Variants in OTUD7A observed in about 807,000 individuals in gnomAD.
The protein encoded by OTUD7A is OTU domain-containing protein 7A.
A neutral mutation model predicts 65.7 loss-of-function variants in OTUD7A; 12 were observed. That is an observed-to-expected ratio of 0.18 (90% CI 0.12 to 0.30). The LOEUF (loss-of-function observed/expected upper bound fraction) is 0.30, where lower values mean the gene tolerates loss of function less well. Ranked by LOEUF, OTUD7A falls within the 10% of genes least tolerant of loss-of-function variation. The pLI is 1.00. For synonymous variants in OTUD7A, 641 were observed against 586.3 expected (o/e 1.09, Z -1.35); for missense variants, 1,148 against 1,304.8 (o/e 0.88, Z 1.85).
At chr15:31,533,879 A>T (rs1328375939) in intron 5 of OTUD7A, among the ~76,000 whole-genome samples, 2 of 152,220 alleles carry the variant, frequency 1.3e-5, no homozygotes, top group Non-Finnish European at 2.9e-5. Context: ...TATTTAAAAC[A>T]ATTTTATTAT....
intron 1 of OTUD7A, among the ~76,000 whole-genome samples, chr15:31,724,552 T>G (rs974134271): frequency 6.6e-5 from 10 of 152,184 alleles, no homozygotes; most frequent in African/African-American, 2.4e-4. Flanking sequence ...CCTAAGGAGA[T>G]AGGAATGGGT....
Position 31,483,502 on chromosome 15 carries a change from A to T in OTUD7A, c.2594T>A (p.Leu865Gln). Residue 865 changes from leucine to glutamine, a missense_variant, in exon 13 of 13, where the codon CTG becomes CAG. Leu to Gln is a moderately radical substitution (Grantham distance 113). Coordinates refer to ENST00000307050, the MANE Select transcript of OTUD7A (RefSeq NM_001382637.1). The part of the protein sequence containing the change: ...SQTYTNGFGA[L>Q]RDGLEFADAD... ...GTCGGCGAACTCCAGGCCGTCGCGC[A>T]GGGCGCCGAAGCCGTTGGTGTAGGT... 7.2e-7 allele frequency: 1 copy of T among 1,393,766 alleles called. No individual in the cohort carries two copies. The highest frequency in any genetic ancestry group is 9.3e-7 in the Non-Finnish European group (1 of 1,071,850). 86.3% of individuals were successfully genotyped at this position (1,393,766 alleles called of 1,614,324 possible).
chr15:31,511,829 G>A (rs903330365), intron 8 of OTUD7A, among the ~76,000 whole-genome samples: 9 of 148,376 alleles, frequency 6.1e-5, no homozygotes, highest in African/African-American at 2.3e-4. Flanking sequence ...CTCCCCCATG[G>A]GGATTTCTCA....
chr15:31,809,855 CA>C (rs1896375190), intron 1 of OTUD7A, among the ~76,000 whole-genome samples: 1 of 152,182 alleles, frequency 6.6e-6, no homozygotes, highest in Admixed American at 6.5e-5. Flanking sequence ...ATCAGTGATT[CA>C]GTGATAACAG....
intron 5 of OTUD7A, among the ~76,000 whole-genome samples, chr15:31,543,566 T>A (rs1356497373): frequency 6.6e-6 from 1 of 151,832 alleles, no homozygotes; most frequent in African/African-American, 2.4e-5. Flanking sequence ...AAATGGTACA[T>A]CAGGAATGTT....
In OTUD7A at chr15:31,477,071, T is replaced by C. The variant is rs1220230712; in HGVS notation, c.*6223A>G. 6.6e-6 allele frequency: 1 copy of C among 152,452 alleles called. No individual in the cohort carries two copies. Among genetic ancestry groups the C allele is most frequent in the Non-Finnish European group, 1.5e-5 (1 of 68,220 alleles). The allele number at this position is 152,452 out of a possible 1,614,324, so 9.4% of individuals were successfully genotyped here. A position where few individuals can be genotyped will look rare whatever the true frequency, so the allele number is the denominator to read the frequency against. ...CCAGTGCACCTCCACCAGTGGCCAA[T>C]GGGGATACCCGGGGGCCTTGGCTCT... On this transcript the variant is annotated 3_prime_UTR_variant, in exon 13 of 13. Transcript: ENST00000307050.
intron 1 of OTUD7A, among the ~76,000 whole-genome samples, chr15:31,658,689 T>C (rs1027467347): frequency 3.3e-5 from 5 of 151,820 alleles, no homozygotes; most frequent in African/African-American, 1.2e-4. Flanking sequence ...AAGACAGAGG[T>C]GTAGCAGGAT....
intron 5 of OTUD7A, among the ~76,000 whole-genome samples, chr15:31,550,054 C>T (rs1000441654): frequency 2.7e-5 from 4 of 148,328 alleles, no homozygotes; most frequent in Admixed American, 2.1e-4. Flanking sequence ...GAGCCGAGAT[C>T]GTGCCACTGC....
At chr15:31,635,822 G>A (rs1170569988) in intron 3 of OTUD7A, among the ~76,000 whole-genome samples, 3 of 152,182 alleles carry the variant, frequency 2.0e-5, no homozygotes, top group South Asian at 2.1e-4. Flanking sequence ...GGCTACAAAC[G>A]GGGGCCATGT....
At chr15:31,810,093 A>T (rs1896379925) in intron 1 of OTUD7A, among the ~76,000 whole-genome samples, 1 of 152,232 alleles carries the variant, frequency 6.6e-6, no homozygotes, top group Non-Finnish European at 1.5e-5. Flanking sequence ...AAGGTGGTGC[A>T]GATGGTGCAG....
chr15:31,500,536 A>G (rs974061919), intron 10 of OTUD7A, among the ~76,000 whole-genome samples: 1 of 152,156 alleles, frequency 6.6e-6, no homozygotes, highest in African/African-American at 2.4e-5. Flanking sequence ...TTCCCGACTC[A>G]ACTGCCAGGC....
intron 3 of OTUD7A, among the ~76,000 whole-genome samples, chr15:31,615,289 T>C (rs578224819): frequency 6.6e-5 from 10 of 152,172 alleles, no homozygotes; most frequent in Non-Finnish European, 1.5e-4. Flanking sequence ...TTTAAAAATA[T>C]ATCATGCAAA....
chr15:31,483,313 G>A lies in OTUD7A; in HGVS notation c.2783C>T (p.Ala928Val). 8.4e-7 allele frequency: 1 copy of A among 1,193,638 alleles called. No homozygotes were observed. The highest frequency in any genetic ancestry group is 1.0e-6 in the Non-Finnish European group (1 of 961,266). 73.9% of individuals were successfully genotyped at this position (1,193,638 alleles called of 1,614,324 possible). ...YREELRRRREARGARP is the reference protein window; with the variant it reads ...YREELRRRREVRGARP ...CGCCGCTCAGGGCCGGGCCCCGCGC[G>A]CCTCGCGCCGCCGCCGCAGCTCCTC... The change falls in exon 13 of 13, where the codon GCG (alanine) becomes GTG (valine). Residue 928 changes from alanine (A) to valine (V), a missense_variant. Physicochemically the swap from Ala to Val is moderately conservative, Grantham distance 64 (BLOSUM62 0). This residue lies in a region of OTUD7A where 842 missense variants were observed against 769.5 expected (regional missense o/e 1.09). Coordinates refer to ENST00000307050, the MANE Select transcript of OTUD7A (RefSeq NM_001382637.1).
intron 1 of OTUD7A, among the ~76,000 whole-genome samples, chr15:31,854,068 T>C (rs1897498942): frequency 6.6e-6 from 1 of 152,252 alleles, no homozygotes; most frequent in Non-Finnish European, 1.5e-5. Flanking sequence ...ATAAATTTAT[T>C]TTCTTATAGT....
chr15:31,570,288 T>C lies in OTUD7A; in HGVS notation c.152-91A>G. On this transcript the variant is annotated intron_variant, in intron 3 of 12. Coordinates refer to ENST00000307050, the MANE Select transcript of OTUD7A (RefSeq NM_001382637.1). The stretch of plus-strand genomic sequence containing the variant: ...GAACTGTGACAAGAAGGGTTTCCCA[T>C]TAGGACATAAACTAATGAATTTTTA... 7 of 1,415,524 alleles carry C rather than the reference T, an allele frequency of 4.9e-6. No homozygotes were observed. In the South Asian group the frequency reaches 7.7e-5, roughly 16 times the overall value. The allele number at this position is 1,415,524 out of a possible 1,614,324, so 87.7% of individuals were successfully genotyped here.
intron 3 of OTUD7A, among the ~76,000 whole-genome samples, chr15:31,616,267 C>G (rs1161215034): frequency 6.6e-6 from 1 of 152,228 alleles, no homozygotes; most frequent in Non-Finnish European, 1.5e-5. Flanking sequence ...GCATCTAAAA[C>G]TGGCCTGTCG....
At chr15:31,507,920 G>GC (rs1484301570) in intron 8 of OTUD7A, among the ~76,000 whole-genome samples, 1 of 152,150 alleles carries the variant, frequency 6.6e-6, no homozygotes, top group Non-Finnish European at 1.5e-5. Flanking sequence ...CAGAAAATTG[G>GC]CGTTTTGGCT....
At chr15:31,744,761 A>T (rs1894433352) in intron 1 of OTUD7A, among the ~76,000 whole-genome samples, 1 of 152,162 alleles carries the variant, frequency 6.6e-6, no homozygotes, top group African/African-American at 2.4e-5. Flanking sequence ...TTTGTAGATG[A>T]TATGAATGTC....
At chr15:31,559,896 G>A (rs1164832055) in intron 4 of OTUD7A, among the ~76,000 whole-genome samples, 6 of 152,176 alleles carry the variant, frequency 3.9e-5, no homozygotes, top group Admixed American at 3.3e-4. Flanking sequence ...TATCCTACAA[G>A]CCTTTTCTAT....
Sources: allele counts gnomAD v4.1 joint callset (sites outside exome capture counted in the v4.1 genomes callset), GRCh38; gene constraint gnomAD v4.1.1; regional missense constraint gnomAD v4.1.1; transcripts MANE v1.5; gene names NCBI Gene and HGNC (gene_info 2026-07-23, HGNC 2026-07-21).